Variants in SV2C observed in about 807,000 individuals in gnomAD.
The protein encoded by SV2C is synaptic vesicle glycoprotein 2C, also known as solute carrier family 22 member B3.
In SV2C, 49 loss-of-function variants were observed where a neutral mutation model predicts 79.7. The ratio of observed to expected loss-of-function variants is 0.61; its 90% CI spans 0.49 to 0.78. SV2C has a LOEUF of 0.78. Ranked by LOEUF, SV2C falls within the 30% of genes least tolerant of loss-of-function variation. The pLI is 0.00. For missense variants in SV2C, 833 were observed against 912.9 expected (o/e 0.91, Z 1.13); for synonymous variants, 334 against 333.2 (o/e 1.00, Z -0.03).
the SV2C span, among the ~76,000 whole-genome samples, chr5:76,039,971 G>C: frequency 6.6e-6 from 1 of 151,988 alleles, no homozygotes; most frequent in Admixed American, 6.6e-5. Flanking sequence ...CAAAATTCAA[G>C]CTACATAAGA....
intron 2 of SV2C, among the ~76,000 whole-genome samples, chr5:76,146,797 T>TTAA (rs755941303): frequency 3.8e-4 from 15 of 39,326 alleles, no homozygotes; most frequent in Non-Finnish European, 4.2e-4. Flanking sequence ...AGTTTTTTTT[T>TTAA]AAAAAAAAAA....
At chr5:76,221,996 A>C (rs1198216816) in intron 4 of SV2C, among the ~76,000 whole-genome samples, 2 of 152,250 alleles carry the variant, frequency 1.3e-5, no homozygotes, top group Non-Finnish European at 2.9e-5. Flanking sequence ...TAGTATTAAA[A>C]AATTAGTATA....
the SV2C span, among the ~76,000 whole-genome samples, chr5:76,035,687 AGGTGT>A: frequency 6.6e-6 from 1 of 152,182 alleles, no homozygotes; most frequent in African/African-American, 2.4e-5. Context: ...ATTTTGGAAT[AGGTGT>A]GGTGTGGTGC....
intron 2 of SV2C, among the ~76,000 whole-genome samples, chr5:76,181,080 T>C (rs1323452716): frequency 8.3e-6 from 1 of 120,070 alleles, no homozygotes; most frequent in African/African-American, 3.6e-5. Flanking sequence ...TGTTACACTT[T>C]CCATTGCCTC....
chr5:75,963,859 T>C, the SV2C span, among the ~76,000 whole-genome samples: 1 of 152,126 alleles, frequency 6.6e-6, no homozygotes, highest in African/African-American at 2.4e-5. Context: ...ATTTTTCTTC[T>C]CTTTTTTTCT....
the SV2C span, among the ~76,000 whole-genome samples, chr5:76,001,653 C>T: frequency 1.9e-3 from 286 of 152,122 alleles, 1 homozygote; most frequent in African/African-American, 6.6e-3. Flanking sequence ...GTTGTAAATA[C>T]GCTATTTACA....
chr5:76,035,764 G>C, the SV2C span, among the ~76,000 whole-genome samples: 5 of 152,098 alleles, frequency 3.3e-5, no homozygotes, highest in African/African-American at 1.2e-4. Flanking sequence ...TATTAGGTCT[G>C]CTTGGTGCAG....
At chr5:76,242,404 G>T in intron 4 of SV2C, 1 of 693,614 alleles carries the variant, frequency 1.4e-6, no homozygotes, top group East Asian at 3.5e-5. Flanking sequence ...ACACTGCTCC[G>T]GTCTCAATCT....
At chr5:76,122,055 G>A (rs1486450751) in intron 1 of SV2C, among the ~76,000 whole-genome samples, 1 of 151,948 alleles carries the variant, frequency 6.6e-6, no homozygotes, top group Non-Finnish European at 1.5e-5. Context: ...TTGAGCAGTG[G>A]TTTGTAGTTC....
downstream of SV2C, among the ~76,000 whole-genome samples, chr5:76,338,584 G>C (rs971988294): frequency 6.6e-6 from 1 of 152,016 alleles, no homozygotes; most frequent in Non-Finnish European, 1.5e-5. Context: ...GGGCTTTGCT[G>C]TGCTATTGCC....
chr5:76,149,481 G>C (rs898835316), intron 2 of SV2C, among the ~76,000 whole-genome samples: 1 of 152,206 alleles, frequency 6.6e-6, no homozygotes, highest in African/African-American at 2.4e-5. Context: ...GAGTGGTGCT[G>C]TCCTGAGCCT....
In SV2C at chr5:76,285,218, A is replaced by T; in HGVS notation, c.970A>T (p.Ile324Phe). Reference protein sequence around the residue: ...YQFHSWRVFVIVCALPCVSSV... With the variant: ...YQFHSWRVFVFVCALPCVSSV... ...GTTTCACAGTTGGCGTGTGTTTGTC[A>T]TCGTCTGTGCACTCCCCTGTGTCTC... Residue 324 changes from isoleucine (I) to phenylalanine (F), a missense_variant, in exon 5 of 13, where the codon ATC becomes TTC. Transcript: ENST00000502798. 18 of 1,614,146 alleles carry T rather than the reference A, an allele frequency of 1.1e-5. No homozygotes were observed. Among genetic ancestry groups the T allele is most frequent in the Non-Finnish European group, 1.5e-5 (18 of 1,180,022 alleles).
rs141984234 is a variant in SV2C at position 76,341,412 on chromosome 5, G to A, written c.2001-11718G>A. Among the ~76,000 whole-genome samples the A allele has an allele frequency of 7.7e-3, 1,175 of 152,226 alleles. 16 individuals carry two copies. The highest frequency in any genetic ancestry group is 0.027 in the African/African-American group (1,130 of 41,532). On this transcript the variant is annotated intron_variant, in intron 12 of 12. Coordinates refer to the SV2C transcript ENST00000322285. ...CAACAACAAAAACACATATGACCAT[G>A]TGAACACATTGCTAGGATCCACTTA...
the SV2C span, among the ~76,000 whole-genome samples, chr5:75,900,516 T>G: frequency 6.6e-6 from 1 of 152,320 alleles, no homozygotes; most frequent in African/African-American, 2.4e-5. Flanking sequence ...TCATTTCAAC[T>G]TTGGCGAATC....
At chr5:75,921,309 G>A in the SV2C span, 4 of 1,389,424 alleles carry the variant, frequency 2.9e-6, no homozygotes, top group African/African-American at 5.7e-5. Context: ...TCCACGAGCT[G>A]CAGGTGCTGG....
chr5:76,317,795 C>T (rs1474203170), intron 12 of SV2C, among the ~76,000 whole-genome samples: 4 of 152,216 alleles, frequency 2.6e-5, no homozygotes, highest in Admixed American at 2.6e-4. Flanking sequence ...CACCACTGCA[C>T]TCCAGCCTGG....
chr5:75,861,366 T>C, the SV2C span, among the ~76,000 whole-genome samples: 1 of 152,236 alleles, frequency 6.6e-6, no homozygotes, highest in African/African-American at 2.4e-5. Flanking sequence ...GCTGATACAC[T>C]GTTGATGGGA....
chr5:76,024,466 TC>T, the SV2C span, among the ~76,000 whole-genome samples: 2 of 152,222 alleles, frequency 1.3e-5, no homozygotes, highest in African/African-American at 4.8e-5. Context: ...CCAATTCATA[TC>T]CTTTGCCTCT....
the SV2C span, among the ~76,000 whole-genome samples, chr5:75,945,113 A>G: frequency 8.5e-5 from 13 of 152,270 alleles, no homozygotes; most frequent in Non-Finnish European, 1.8e-4. Flanking sequence ...ACCATGCTAC[A>G]TAAAGTCATG....
Sources: allele counts gnomAD v4.1 joint callset (sites outside exome capture counted in the v4.1 genomes callset), GRCh38; gene constraint gnomAD v4.1.1; transcripts MANE v1.5; gene names NCBI Gene and HGNC (gene_info 2026-07-23, HGNC 2026-07-21).